The following TRAK2 variants were observed in gnomAD, a reference collection of about 807,000 sequenced individuals.
TRAK2 encodes trafficking kinesin protein 2, also known as trafficking kinesin-binding protein 2.
A neutral mutation model predicts 104.6 loss-of-function variants in TRAK2; 81 were observed. The observed-to-expected ratio is 0.77, with a 90% confidence interval of 0.65 to 0.93. TRAK2 has a LOEUF of 0.93. Among genes scored for constraint, TRAK2 ranks in the 40% least tolerant of loss-of-function variants. TRAK2 has a pLI of 0.00. For synonymous variants in TRAK2, 406 were observed against 394.4 expected, an observed-to-expected ratio of 1.03 and a Z score of -0.35; for missense variants, 1,002 against 1,089.0, an observed-to-expected ratio of 0.92 and a Z score of 1.12.
chr2:201,393,014 A>T lies in TRAK2; in HGVS notation c.1008T>A (p.Cys336Ter). Residue 336 changes from cysteine (C) to a stop codon, truncating the protein, a stop_gained, in exon 10 of 16, where the codon TGT becomes TGA. Transcript: ENST00000332624. LOFTEE classifies it high-confidence loss of function. ...LHELQDRNME[C>*]LGMLHESQEE... ...CTTGGGATTCATGTAACATTCCTAG[A>T]CACTCCATATTCCTGTCTTGTAACT... 6.2e-7 allele frequency: 1 copy of T among 1,613,608 alleles called. No homozygotes were observed. The highest frequency in any genetic ancestry group is 8.5e-7 in the Non-Finnish European group (1 of 1,179,770).
chr2:201,386,150 T>G, intron 14 of TRAK2, 68 bp downstream of exon 14: 1 of 1,566,218 alleles, frequency 6.4e-7, no homozygotes, highest in South Asian at 1.1e-5. Flanking sequence ...GCCAGCTGAC[T>G]GTCTAGTAAG....
At chr2:201,440,616 A>G (rs1351518212) in intron 1 of TRAK2, among the ~76,000 whole-genome samples, 2 of 152,238 alleles carry the variant, frequency 1.3e-5, no homozygotes, top group Non-Finnish European at 2.9e-5. Flanking sequence ...TTCTTTTGTG[A>G]GAATTTTACT....
At chr2:201,412,807 T>A in intron 2 of TRAK2, 1 of 990,558 alleles carries the variant, frequency 1.0e-6, no homozygotes, top group Non-Finnish European at 1.6e-6. Context: ...CACACTGCTA[T>A]GCAAGAATGA....
At position 201,380,873 on chromosome 2, in the gene TRAK2, A is replaced by G; in HGVS notation, c.2415T>C (p.Ser805=). 1 of 1,614,062 alleles carries G rather than the reference A, an allele frequency of 6.2e-7. No homozygotes were observed. The highest frequency in any genetic ancestry group is 8.5e-7 in the Non-Finnish European group (1 of 1,179,968). ...RVHLSENFLA[S]RPAETFLQEM... ...CCTGGAGGAATGTCTCAGCTGGTCG[A>G]GAGGCCAAAAAATTTTCAGAGAGAT... Residue 805 remains serine, a synonymous_variant, in exon 16 of 16, where the codon TCT becomes TCC. Coordinates refer to ENST00000332624, the MANE Select transcript of TRAK2 (RefSeq NM_015049.3).
At chr2:201,400,448 G>C (rs866222396) in intron 4 of TRAK2, among the ~76,000 whole-genome samples, 1 of 151,932 alleles carries the variant, frequency 6.6e-6, no homozygotes, top group African/African-American at 2.4e-5. Context: ...GGCATACATA[G>C]AAATCATTCT....
rs768617711 is a variant in TRAK2 at position 201,407,527 on chromosome 2, A to G, written c.162T>C (p.Tyr54=). ...VSLLEEQLPQ[Y]RLKVDTLFLY... Reference sequence around the variant, plus strand: ...GAAAGAGAGTGTCTACTTTTAGCCTATACTGTGGTAGTTGTTCTTCTAGCA... The same window carrying G: ...GAAAGAGAGTGTCTACTTTTAGCCTGTACTGTGGTAGTTGTTCTTCTAGCA... Residue 54 remains tyrosine (Y), a synonymous_variant, in exon 3 of 16, where the codon TAT becomes TAC. Coordinates refer to ENST00000332624, the MANE Select transcript of TRAK2 (RefSeq NM_015049.3). 1.9e-6 allele frequency: 3 copies of G among 1,614,120 alleles called. No homozygotes were observed. Among genetic ancestry groups the G allele is most frequent in the Admixed American group, 3.3e-5 (2 of 60,032 alleles).
In TRAK2 at chr2:201,397,504, A is replaced by C. The variant is rs1270627620; in HGVS notation, c.767T>G (p.Leu256Arg). The change falls in exon 7 of 16, where the codon CTT (leucine) becomes CGT (arginine). Residue 256 changes from leucine to arginine, a missense_variant and splice_region_variant. Physicochemically the swap from Leu to Arg is moderately radical, Grantham distance 102. Coordinates refer to ENST00000332624, the MANE Select transcript of TRAK2 (RefSeq NM_015049.3). ...AAAGAGAATATGTTAATACTCACGAAGTTCTTTAACACAGTCGCTGACAAG... is the reference window on the plus strand; with the variant it reads ...AAAGAGAATATGTTAATACTCACGACGTTCTTTAACACAGTCGCTGACAAG... Reference protein sequence around the residue: ...QQLVSDCVKELRETNAQMSRM... With the variant: ...QQLVSDCVKERRETNAQMSRM... 6.2e-7 allele frequency: 1 copy of C among 1,609,986 alleles called. No individual in the cohort carries two copies. The highest frequency in any genetic ancestry group is 1.7e-5 in the Admixed American group (1 of 59,826).
intron 2 of TRAK2, chr2:201,413,252 G>A (rs965618063): frequency 5.9e-6 from 8 of 1,345,234 alleles, no homozygotes; most frequent in Admixed American, 1.7e-5. Context: ...CAGCACTAGT[G>A]ACATCAGCTG....
At chr2:201,446,045 G>A (rs1194657944) in intron 1 of TRAK2, among the ~76,000 whole-genome samples, 1 of 152,100 alleles carries the variant, frequency 6.6e-6, no homozygotes. Context: ...GATGAGTTGG[G>A]GATAGATGAA....
chr2:201,429,174 G>T (rs1951819184), intron 1 of TRAK2, among the ~76,000 whole-genome samples: 1 of 152,164 alleles, frequency 6.6e-6, no homozygotes, highest in South Asian at 2.1e-4. Flanking sequence ...TCTCTTGCCT[G>T]ATTGCCCTAG....
rs1473252160 is a variant in TRAK2, at chr2:201,447,770, C to T, written c.-200+3580G>A. Among the ~76,000 whole-genome samples, 1 of 152,142 alleles carries T rather than the reference C, an allele frequency of 6.6e-6. No homozygotes were observed. Among genetic ancestry groups the T allele is most frequent in the South Asian group, 2.1e-4 (1 of 4,822 alleles). On this transcript the variant is annotated intron_variant, in intron 1 of 15. Transcript: ENST00000332624. This position sits in a 1 kb window ranked among gnomAD's most constrained non-coding sequence, Gnocchi z 4.1. ...GCTTCAATATAATTTTGGGAGGACA[C>T]AATTCAGCCCATAACAACCCCTTCC... is the stretch of plus-strand genomic sequence containing the variant.
intron 7 of TRAK2, among the ~76,000 whole-genome samples, chr2:201,397,066 A>C (rs979139981): frequency 6.6e-6 from 1 of 152,154 alleles, no homozygotes; most frequent in Non-Finnish European, 1.5e-5. Context: ...ATTACCTCAA[A>C]CTAAAACACA....
intron 2 of TRAK2, among the ~76,000 whole-genome samples, chr2:201,410,307 A>G (rs1951633934): frequency 6.6e-6 from 1 of 150,562 alleles, no homozygotes; most frequent in Non-Finnish European, 1.5e-5. Flanking sequence ...CTCCGTCTCA[A>G]AAAAAAAAAA....
chr2:201,400,470 G>A (rs1951541686), intron 4 of TRAK2, among the ~76,000 whole-genome samples: 1 of 151,986 alleles, frequency 6.6e-6, no homozygotes, highest in African/African-American at 2.4e-5. Context: ...GAGAGCTGGG[G>A]GGAGAGGGGA....
chr2:201,384,057 T>G lies in TRAK2; in HGVS notation c.2069+54A>C. On this transcript the variant is annotated intron_variant, in intron 15 of 15. Transcript: ENST00000332624. ...GAAGGTAATTTTAAAAAGAAATTCA[T>G]GAAAATATAGCTGAGGAAAGAAGTG... 2.6e-6 allele frequency: 3 copies of G among 1,149,144 alleles called. No homozygotes were observed. In the Admixed American group the frequency reaches 6.7e-5, roughly 26 times the overall value. The allele number at this position is 1,149,144 out of a possible 1,614,324, so 71.2% of individuals were successfully genotyped here.
At position 201,399,461 on chromosome 2, in the gene TRAK2, A is replaced by T. The variant is rs1951530594; in HGVS notation, c.396T>A (p.Ile132=). The change falls in exon 5 of 16, where the codon ATT becomes ATA. Residue 132 remains isoleucine (I), a synonymous_variant. Transcript: ENST00000332624. The stretch of plus-strand genomic sequence containing the variant: ...GGTTCCGCTTTAAGAGAGCTTGTCC[A>T]ATTCGAGCAGCGAGTTCCAGATCAC... The part of the protein sequence containing the change: ...RDRDLELAAR[I]GQALLKRNHV... 1.9e-6 allele frequency: 3 copies of T among 1,612,792 alleles called. No homozygotes were observed.
intron 1 of TRAK2, among the ~76,000 whole-genome samples, chr2:201,421,099 A>G (rs1173397620): frequency 6.6e-6 from 1 of 152,228 alleles, no homozygotes; most frequent in Non-Finnish European, 1.5e-5. Context: ...CATGTTAATT[A>G]TATTTAAATA....
chr2:201,441,801 C>T (rs1951926673), intron 1 of TRAK2, among the ~76,000 whole-genome samples: 1 of 151,484 alleles, frequency 6.6e-6, no homozygotes, highest in Admixed American at 6.6e-5. Context: ...AAGCGATTCT[C>T]CTGCCTCAGC....
Position 201,380,628 on chromosome 2 carries a change from T to A in TRAK2, c.2660A>T (p.Asn887Ile), listed in dbSNP as rs1351752611. The A allele has an allele frequency of 2.5e-6, 4 of 1,613,958 alleles. No individual in the cohort carries two copies. The highest frequency in any genetic ancestry group is 3.4e-6 in the Non-Finnish European group (4 of 1,179,998). ...GSSLLGGLRR[N>I]QSLPVIMGSF... Reference sequence around the variant, plus strand: ...ACCCATTATGACTGGAAGACTCTGATTCCTCCTTAGTCCACCTAATAAACT... The same window carrying A: ...ACCCATTATGACTGGAAGACTCTGAATCCTCCTTAGTCCACCTAATAAACT... The change falls in exon 16 of 16, where the codon AAT (asparagine) becomes ATT (isoleucine). Residue 887 changes from asparagine (N) to isoleucine (I), a missense_variant. Transcript: ENST00000332624.
Sources: allele counts gnomAD v4.1 joint callset (sites outside exome capture counted in the v4.1 genomes callset), GRCh38; gene constraint gnomAD v4.1.1; non-coding constraint Gnocchi (gnomAD v3.1); transcripts MANE v1.5; gene names NCBI Gene and HGNC (gene_info 2026-07-23, HGNC 2026-07-21).